SBNO2: variants seen among roughly 807,000 people sequenced by gnomAD.
SBNO2 encodes the protein strawberry notch homolog 2, also known as protein strawberry notch homolog 2.
A neutral mutation model predicts 146.3 loss-of-function variants in SBNO2; 89 were observed. The observed-to-expected ratio is 0.61, with a 90% CI of 0.51 to 0.73. The LOEUF (loss-of-function observed/expected upper bound fraction) is 0.73. SBNO2 is among the 30% of genes least tolerant of loss of function. The pLI is 0.00. For missense variants in SBNO2, 2,092 were observed against 2,003.7 expected (o/e 1.04, Z -0.84); for synonymous variants, 1,147 against 892.6 (o/e 1.29, Z -5.08).
At chr19:1,115,915 G>A in intron 17 of SBNO2, 106 bp downstream of exon 17, 1 of 915,094 alleles carries the variant, frequency 1.1e-6, no homozygotes, top group Admixed American at 2.0e-5. Flanking sequence ...ACCTGCATTT[G>A]GCTGAGTGGA....
chr19:1,123,169 C>A, intron 7 of SBNO2, 124 bp from the exon 8 acceptor site: 1 of 1,140,792 alleles, frequency 8.8e-7, no homozygotes, highest in Non-Finnish European at 1.2e-6. Flanking sequence ...GGGGCGTGGC[C>A]AGGTCCCGTT....
chr19:1,174,255 T>C lies in SBNO2; in HGVS notation c.-210A>G, dbSNP rs2080510490. 6.6e-6 allele frequency: 1 copy of C among 151,298 alleles called. No individual in the cohort carries two copies. Among genetic ancestry groups the C allele is most frequent in the Non-Finnish European group, 1.5e-5 (1 of 67,812 alleles). The allele number at this position is 151,298 out of a possible 1,614,324, so 9.4% of individuals were successfully genotyped here. A position where few individuals can be genotyped will look rare whatever the true frequency, so the allele number is the denominator to read the frequency against. ...AGCTGCCGCCGCTCACTTCCGGGTT[T>C]CGGGCGCCATCTTGGGGGCCCCGCG... On this transcript the variant is annotated 5_prime_UTR_variant, in exon 1 of 32. Transcript: ENST00000361757.
In SBNO2 at chr19:1,111,108, G is replaced by A; in HGVS notation, c.2810-15C>T. 1 of 1,542,798 alleles carries A rather than the reference G, an allele frequency of 6.5e-7. No individual in the cohort carries two copies. ...CTGCTTCATGTCTGCGGGGAGAGGG[G>A]CCTCACATGCTGGTCTTCCCACCCC... On this transcript the variant is annotated splice_polypyrimidine_tract_variant and intron_variant, in intron 24 of 31. Coordinates refer to ENST00000361757, the MANE Select transcript of SBNO2 (RefSeq NM_014963.3).
In SBNO2 at chr19:1,134,485, C is replaced by T. The variant is rs577738121; in HGVS notation, c.280-6720G>A. Among the ~76,000 whole-genome samples, 13 of 144,454 alleles carry T rather than the reference C, an allele frequency of 9.0e-5. No homozygotes were observed. In the South Asian group the frequency reaches 2.7e-3, roughly 30 times the overall value. 94.8% of individuals were successfully genotyped at this position (144,454 alleles called of 152,430 possible). ...CATGAAAAGGAGCAAGGCTCTGACC[C>T]AAGCCACAGCACGGATGCACCTTGA... On this transcript the variant is annotated intron_variant, in intron 4 of 31. Transcript: ENST00000361757.
In SBNO2 at chr19:1,110,628, T is replaced by G. The variant is rs573871627; in HGVS notation, c.3028+117A>C. On this transcript the variant is annotated intron_variant, in intron 26 of 31. Coordinates refer to ENST00000361757, the MANE Select transcript of SBNO2 (RefSeq NM_014963.3). This position sits in a 1 kb window ranked among gnomAD's most constrained non-coding sequence, Gnocchi z 4.9. ...GATGCACGGTGTTCCCACGAGCCCC[T>G]CGCCCACCCGGGATGCCCGGTGTTC... is the stretch of plus-strand genomic sequence containing the variant. 384 of 1,227,194 alleles carry G rather than the reference T, an allele frequency of 3.1e-4. 2 individuals are homozygous for G. In the African/African-American group the frequency reaches 4.9e-3, roughly 16 times the overall value. The allele number at this position is 1,227,194 out of a possible 1,614,324, so 76.0% of individuals were successfully genotyped here. A position where few individuals can be genotyped will look rare whatever the true frequency, so the allele number is the denominator to read the frequency against.
At chr19:1,148,165 G>A (rs1314445551) in intron 3 of SBNO2, among the ~76,000 whole-genome samples, 1 of 152,040 alleles carries the variant, frequency 6.6e-6, no homozygotes, top group Non-Finnish European at 1.5e-5. Flanking sequence ...CCAGGTCTCT[G>A]CCCAGTGGGA....
intron 17 of SBNO2, among the ~76,000 whole-genome samples, 187 bp from the exon 18 acceptor site, chr19:1,114,609 T>A (rs1028190013): frequency 1.3e-5 from 2 of 151,858 alleles, no homozygotes; most frequent in African/African-American, 4.8e-5. Context: ...CCGTGCCCTG[T>A]GGCCAGGAGG....
rs953155195 is a variant in SBNO2, at chr19:1,120,894, C to CT, written c.1150-872dup. On this transcript the variant is annotated intron_variant, in intron 11 of 31. Transcript: ENST00000361757. ...ATATTGGTCAAGACAGTCTGGAACT[C>CT]TTTTTTTTTTTAGATGAGACACAGT... Among the ~76,000 whole-genome samples the CT allele has an allele frequency of 1.0e-3, 147 of 144,356 alleles. 1 individual carries two copies. Among genetic ancestry groups the CT allele is most frequent in the Admixed American group, 1.2e-3 (18 of 14,402 alleles). The allele number at this position is 144,356 out of a possible 152,430, so 94.7% of individuals were successfully genotyped here.
chr19:1,120,323 C>T (rs780050809), intron 11 of SBNO2, among the ~76,000 whole-genome samples: 1 of 152,198 alleles, frequency 6.6e-6, no homozygotes, highest in Non-Finnish European at 1.5e-5. Context: ...ACCATGATAT[C>T]GCAGGACGTT....
chr19:1,130,386 G>A (rs1291835617), intron 4 of SBNO2, among the ~76,000 whole-genome samples: 1 of 152,184 alleles, frequency 6.6e-6, no homozygotes, highest in African/African-American at 2.4e-5. Flanking sequence ...CTGCTACTCA[G>A]GAGGCTGAGG....
rs755743754 is a variant in SBNO2, at chr19:1,126,118, G to A, written c.441+1486C>T. 1.6e-4 allele frequency among the ~76,000 whole-genome samples: 25 copies of A among 152,208 alleles called. No homozygotes were observed. The highest frequency in any genetic ancestry group is 2.8e-4 in the Non-Finnish European group (19 of 68,040). On this transcript the variant is annotated intron_variant, in intron 5 of 31. Transcript: ENST00000361757. The surrounding 1 kb of genome is among the most constrained non-coding windows in gnomAD (Gnocchi z 4.4). ...CTGCCTGAGCCCGGGCCGGGTTCTC[G>A]GCAGTGTGTGGGAGCCACCAGGCTA...
In SBNO2 at chr19:1,140,224, C is replaced by T. The variant is rs950222960; in HGVS notation, c.279+7085G>A. Among the ~76,000 whole-genome samples the T allele has an allele frequency of 2.1e-4, 31 of 151,158 alleles. No individual in the cohort carries two copies. The highest frequency in any genetic ancestry group is 7.3e-4 in the African/African-American group (30 of 41,082). The stretch of plus-strand genomic sequence containing the variant: ...CTGAGGCGGGAGAATGGCATGAACC[C>T]AGGAGGCGTTGGTTGCAGTGAGCCG... On this transcript the variant is annotated intron_variant, in intron 4 of 31. Coordinates refer to ENST00000361757, the MANE Select transcript of SBNO2 (RefSeq NM_014963.3). The surrounding 1 kb of genome is among the most constrained non-coding windows in gnomAD (Gnocchi z 4.4).
At chr19:1,163,182 G>A (rs189486632) in intron 1 of SBNO2, among the ~76,000 whole-genome samples, 6 of 152,206 alleles carry the variant, frequency 3.9e-5, no homozygotes, top group Admixed American at 2.6e-4. Context: ...CTTTGCACAC[G>A]TGGTTGGTTA....
rs1485361776 is a variant in SBNO2, at chr19:1,172,217, A to AGCCT, written c.-127+1951_-127+1954dup. ...AAGTCCTTCCCTCTCCAAGGACGAG[A>AGCCT]GCCTGCCTGCGTCTCCTCTGCCGTC... On this transcript the variant is annotated intron_variant, in intron 1 of 31. Coordinates refer to ENST00000361757, the MANE Select transcript of SBNO2 (RefSeq NM_014963.3). Among the ~76,000 whole-genome samples, 47 of 152,266 alleles carry AGCCT rather than the reference A, an allele frequency of 3.1e-4. 1 individual carries two copies. The highest frequency in any genetic ancestry group is 2.5e-3 in the Admixed American group (39 of 15,302).
At chr19:1,111,258 G>C (rs1356724833) in intron 24 of SBNO2, among the ~76,000 whole-genome samples, 165 bp from the exon 25 acceptor site, 1 of 152,208 alleles carries the variant, frequency 6.6e-6, no homozygotes, top group Non-Finnish European at 1.5e-5. Context: ...TGACTTACAG[G>C]AGTGAGAACA....
At chr19:1,142,816 A>G (rs976173539) in intron 4 of SBNO2, among the ~76,000 whole-genome samples, 1 of 152,052 alleles carries the variant, frequency 6.6e-6, no homozygotes, top group East Asian at 1.9e-4. Flanking sequence ...AAAATATAAA[A>G]ATTAGCCGGG....
intron 1 of SBNO2, among the ~76,000 whole-genome samples, chr19:1,159,541 T>G (rs915136784): frequency 3.0e-4 from 4 of 13,202 alleles, no homozygotes; most frequent in Admixed American, 2.1e-3. Context: ...CAGGGGACAG[T>G]GGGGGGACAG....
At chr19:1,153,247 T>C (rs1171696926) in intron 2 of SBNO2, among the ~76,000 whole-genome samples, 2 of 151,676 alleles carry the variant, frequency 1.3e-5, no homozygotes, top group Non-Finnish European at 2.9e-5. Flanking sequence ...AATTTTTTTT[T>C]TTCTTTTTGA....
rs868343227 is a variant in SBNO2 at position 1,107,646 on chromosome 19, A to G, written c.*574T>C. 1 of 152,520 alleles carries G rather than the reference A, an allele frequency of 6.6e-6. No homozygotes were observed. Among genetic ancestry groups the G allele is most frequent in the East Asian group, 1.9e-4 (1 of 5,204 alleles). The allele number at this position is 152,520 out of a possible 1,614,324, so 9.4% of individuals were successfully genotyped here. ...GGAGCAGACTCCGTGGGAAGTAGGC[A>G]AAAGGCACATATATTTAAAAAAGTC... On this transcript the variant is annotated 3_prime_UTR_variant, in exon 32 of 32. Transcript: ENST00000361757.
Sources: gnomAD v4.1 joint callset for allele counts (sites outside exome capture counted in the v4.1 genomes callset) on GRCh38, gnomAD v4.1.1 for gene constraint, Gnocchi (gnomAD v3.1) non-coding constraint, MANE v1.5 for transcripts, NCBI Gene and HGNC (gene_info 2026-07-23, HGNC 2026-07-21) for gene names.